The following RUFY1 variants were observed in gnomAD, a reference collection of about 807,000 sequenced individuals.
RUFY1 encodes RUN and FYVE domain containing 1, also known as RUN and FYVE domain-containing protein 1.
Under a neutral mutation model 94.6 loss-of-function variants are expected in RUFY1, and 54 were observed. The observed-to-expected ratio is 0.57, with a 90% CI of 0.46 to 0.72. RUFY1 has a LOEUF of 0.72. Ranked by LOEUF, RUFY1 falls within the 30% of genes least tolerant of loss-of-function variation. The probability of loss-of-function intolerance (pLI) is 0.00; values close to 1 mark genes in which losing one functional copy is unlikely to be tolerated. For synonymous variants in RUFY1, 396 were observed against 347.3 expected, an observed-to-expected ratio of 1.14 and a Z score of -1.56; for missense variants, 883 against 883.9, an observed-to-expected ratio of 1.00 and a Z score of 0.01.
chr5:179,552,017 T>C (rs1581405514), intron 1 of RUFY1, among the ~76,000 whole-genome samples: 1 of 151,172 alleles, frequency 6.6e-6, no homozygotes, highest in East Asian at 2.0e-4. Context: ...TACAAAAAAT[T>C]AGCTGGGTGT....
At chr5:179,551,089 GCTCCCGCACCCGCGCCTCTATGCT>G (rs1761819154) in intron 1 of RUFY1, among the ~76,000 whole-genome samples, 1 of 121,220 alleles carries the variant, frequency 8.2e-6, no homozygotes, top group African/African-American at 2.7e-5. Context: ...GCCTGAGCGC[GCTCCCGCACCCGCGCCTCTATGCT>G]CTCCCACTAA....
At chr5:179,597,381 A>G (rs907967754) in intron 13 of RUFY1, among the ~76,000 whole-genome samples, 1 of 152,128 alleles carries the variant, frequency 6.6e-6, no homozygotes, top group Non-Finnish European at 1.5e-5. Flanking sequence ...GACTACAGGC[A>G]TCAGCCACCA....
intron 6 of RUFY1, among the ~76,000 whole-genome samples, chr5:179,579,698 C>CT (rs1763962324): frequency 1.6e-5 from 1 of 63,478 alleles, no homozygotes; most frequent in African/African-American, 5.3e-5. Context: ...ATCTCTCCCT[C>CT]TGTCGCCCAG....
At chr5:179,607,341 C>T (rs1767203253) in intron 16 of RUFY1, 1 of 546,404 alleles carries the variant, frequency 1.8e-6, no homozygotes, top group Non-Finnish European at 3.3e-6. Flanking sequence ...GCCTGGAGGC[C>T]CCAGGGCAGC....
chr5:179,572,546 G>A (rs1339381137), intron 5 of RUFY1: 2 of 220,188 alleles, frequency 9.1e-6, no homozygotes, highest in Middle Eastern at 2.1e-3. Flanking sequence ...CTTTATCATC[G>A]ATGGCAAGGG....
At chr5:179,591,805 T>C (rs903217283) in intron 10 of RUFY1, 64 bp downstream of exon 10, 1 of 959,738 alleles carries the variant, frequency 1.0e-6, no homozygotes, top group Admixed American at 2.5e-5. Context: ...CTGTCAACAC[T>C]TTTCATAGAC....
chr5:179,555,861 G>C, intron 1 of RUFY1: 1 of 248,950 alleles, frequency 4.0e-6, no homozygotes, highest in Non-Finnish European at 8.0e-6. Context: ...TGGATTTTTA[G>C]TAGAGACAGG....
chr5:179,580,618 C>T (rs968883369), intron 6 of RUFY1, among the ~76,000 whole-genome samples: 6 of 151,860 alleles, frequency 4.0e-5, no homozygotes, highest in Admixed American at 1.3e-4. Context: ...TGAAAAGTCC[C>T]GTGCGCTCCT....
intron 9 of RUFY1, 21 bp downstream of exon 9, chr5:179,589,668 T>G: frequency 6.6e-7 from 1 of 1,523,724 alleles, no homozygotes; most frequent in Non-Finnish European, 9.1e-7. Flanking sequence ...GACCTACATT[T>G]GGGCAGCATG....
chr5:179,608,416 A>G (rs949482391), intron 17 of RUFY1: 13 of 985,402 alleles, frequency 1.3e-5, no homozygotes, highest in African/African-American at 3.5e-5. Context: ...ACATGTGTCT[A>G]CAAGGCCTGG....
rs1445585367 is a variant in RUFY1, at chr5:179,590,457, C to T, written c.1128+810C>T. Among the ~76,000 whole-genome samples the T allele has an allele frequency of 4.0e-5, 6 of 151,744 alleles. 1 individual carries two copies. The highest frequency in any genetic ancestry group is 7.4e-5 in the Non-Finnish European group (5 of 67,988). On this transcript the variant is annotated intron_variant, in intron 9 of 17. Transcript: ENST00000319449. ...ATGAGTTGAATGAGGGTTTTTCCTG[C>T]GAATGGAGTCTTGTTCTGTTTTTGT...
chr5:179,555,170 G>A (rs892685847), intron 1 of RUFY1, among the ~76,000 whole-genome samples: 3 of 151,708 alleles, frequency 2.0e-5, no homozygotes, highest in Admixed American at 6.6e-5. Context: ...ACAAACATGC[G>A]TGTTTTAAGA....
intron 15 of RUFY1, among the ~76,000 whole-genome samples, chr5:179,605,000 A>G (rs1581573340): frequency 6.7e-6 from 1 of 148,274 alleles, no homozygotes; most frequent in Admixed American, 6.8e-5. Context: ...AAAAAAGAAA[A>G]AAAGAAAAAG....
At position 179,577,781 on chromosome 5, in the gene RUFY1, G is replaced by A. The variant is rs559336364; in HGVS notation, c.890+645G>A. Among the ~76,000 whole-genome samples, 3 of 151,766 alleles carry A rather than the reference G, an allele frequency of 2.0e-5. No individual in the cohort carries two copies. In the East Asian group the frequency reaches 5.8e-4, roughly 30 times the overall value. ...CGGTGGTCGGGCGGCGGAGGCGGTG[G>A]GAGCGCCGGAGTTGGATGTGCGCAC... On this transcript the variant is annotated intron_variant, in intron 6 of 17. Transcript: ENST00000319449.
chr5:179,565,542 G>A (rs1228082940), intron 3 of RUFY1, among the ~76,000 whole-genome samples: 2 of 152,100 alleles, frequency 1.3e-5, no homozygotes, highest in African/African-American at 4.8e-5. Flanking sequence ...GCATTAAAGT[G>A]CATATACTGT....
At chr5:179,608,652 G>A (rs567124340) in intron 17 of RUFY1, 24 of 985,054 alleles carry the variant, frequency 2.4e-5, no homozygotes, top group Non-Finnish European at 2.9e-5. Flanking sequence ...CTTAGGCCGG[G>A]CACGGTGGCT....
intron 7 of RUFY1, among the ~76,000 whole-genome samples, chr5:179,583,877 G>A (rs1214828804): frequency 6.6e-6 from 1 of 151,532 alleles, no homozygotes; most frequent in Non-Finnish European, 1.5e-5. Context: ...AGCCTCCCAA[G>A]TAGCTGGGAT....
chr5:179,580,993 G>C lies in RUFY1; in HGVS notation c.937G>C (p.Glu313Gln), dbSNP rs1177214943. 1.9e-6 allele frequency: 3 copies of C among 1,607,054 alleles called. No homozygotes were observed. In the South Asian group the frequency reaches 3.3e-5, roughly 18 times the overall value. Residue 313 changes from glutamate to glutamine, a missense_variant, in exon 7 of 18, where the codon GAA becomes CAA. Coordinates refer to ENST00000319449, the MANE Select transcript of RUFY1 (RefSeq NM_025158.5). ...CCTTGATCAAAAAAATTATGTGGAAGAACTTAACCGGCACTTGAGGTAAGA... is the reference window on the plus strand; with the variant it reads ...CCTTGATCAAAAAAATTATGTGGAACAACTTAACCGGCACTTGAGGTAAGA... ...DVLDQKNYVE[E>Q]LNRHLSCTVG...
chr5:179,550,587 C>T lies in RUFY1; in HGVS notation c.18C>T (p.Gly6=), dbSNP rs780069731. 11 of 1,319,846 alleles carry T rather than the reference C, an allele frequency of 8.3e-6. No individual in the cohort carries two copies. Among genetic ancestry groups the T allele is most frequent in the East Asian group, 3.6e-5 (1 of 27,626 alleles). 81.8% of individuals were successfully genotyped at this position (1,319,846 alleles called of 1,614,324 possible). The change falls in exon 1 of 18, where the codon GGC becomes GGT. Residue 6 remains glycine, a synonymous_variant. Transcript: ENST00000319449. The part of the protein sequence containing the change: MADRE[G]GCAAGRGREL... Reference sequence around the variant, plus strand: ...CGGCCAAGATGGCCGACCGGGAAGGCGGCTGCGCTGCTGGGCGGGGGCGGG... The same window carrying T: ...CGGCCAAGATGGCCGACCGGGAAGGTGGCTGCGCTGCTGGGCGGGGGCGGG...
Sources: allele counts gnomAD v4.1 joint callset (sites outside exome capture counted in the v4.1 genomes callset), GRCh38; gene constraint gnomAD v4.1.1; transcripts MANE v1.5; gene names NCBI Gene and HGNC (gene_info 2026-07-23, HGNC 2026-07-21).